The following SNRPA variants were observed in gnomAD, a reference collection of about 807,000 sequenced individuals.
The protein encoded by SNRPA is small nuclear ribonucleoprotein polypeptide A.
A neutral mutation model predicts 24.5 loss-of-function variants in SNRPA; 10 were observed. The ratio of observed to expected loss-of-function variants is 0.41; its 90% CI spans 0.25 to 0.69. The LOEUF (loss-of-function observed/expected upper bound fraction) is 0.69, where lower values mean the gene tolerates loss of function less well. Ranked by LOEUF, SNRPA falls within the 30% of genes least tolerant of loss-of-function variation. The pLI is 0.33. For synonymous variants in SNRPA, 165 were observed against 148.4 expected, an observed-to-expected ratio of 1.11 and a Z score of -0.81; for missense variants, 283 against 394.7, an observed-to-expected ratio of 0.72 and a Z score of 2.40.
At chr19:40,763,960 C>T (rs2082944088) in intron 5 of SNRPA, among the ~76,000 whole-genome samples, 1 of 152,092 alleles carries the variant, frequency 6.6e-6, no homozygotes, top group Admixed American at 6.6e-5. Context: ...TTTCCCAGCC[C>T]CTAAAATGGG....
intron 1 of SNRPA, among the ~76,000 whole-genome samples, chr19:40,756,339 T>A (rs981993434): frequency 5.9e-5 from 9 of 151,746 alleles, no homozygotes; most frequent in African/African-American, 2.2e-4. Context: ...CACACTCCTG[T>A]AATCCCAGCA....
rs2145018298 is a variant in SNRPA, at chr19:40,765,271, A to G, written c.*104A>G. The stretch of plus-strand genomic sequence containing the variant: ...AGTCCCCCCTTGGGGGCCTTCTTGG[A>G]GCCGTGTGTGAGTGAGTGGTCGCCA... On this transcript the variant is annotated 3_prime_UTR_variant, in exon 6 of 6. Transcript: ENST00000243563. The G allele has an allele frequency of 1.4e-6, 1 of 700,476 alleles. No individual in the cohort carries two copies. Among genetic ancestry groups the G allele is most frequent in the Non-Finnish European group, 2.2e-6 (1 of 460,124 alleles). The allele number at this position is 700,476 out of a possible 1,614,324, so 43.4% of individuals were successfully genotyped here. A position where few individuals can be genotyped will look rare whatever the true frequency, so the allele number is the denominator to read the frequency against.
chr19:40,764,201 A>T (rs890158675), intron 5 of SNRPA, among the ~76,000 whole-genome samples: 1 of 152,058 alleles, frequency 6.6e-6, no homozygotes, highest in African/African-American at 2.4e-5. Flanking sequence ...GTTCTGTTTC[A>T]GGGGCTGTGA....
At chr19:40,761,465 T>TC (rs1274282760) in intron 3 of SNRPA, among the ~76,000 whole-genome samples, 8 of 75,616 alleles carry the variant, frequency 1.1e-4, no homozygotes, top group African/African-American at 2.0e-4. Context: ...TTTCTTTTTT[T>TC]TTTTTTTTTT....
At chr19:40,762,593 C>T (rs1363123044) in intron 3 of SNRPA, among the ~76,000 whole-genome samples, 2 of 152,134 alleles carry the variant, frequency 1.3e-5, no homozygotes, top group Non-Finnish European at 2.9e-5. Context: ...GTTTAAGAGA[C>T]AGGGTCTTGC....
chr19:40,751,925 G>A (rs1181419555), intron 1 of SNRPA, among the ~76,000 whole-genome samples: 2 of 152,206 alleles, frequency 1.3e-5, no homozygotes, highest in East Asian at 3.8e-4. Flanking sequence ...TACCATAATG[G>A]TGGCTAACGC....
chr19:40,757,288 T>C (rs372095010), intron 1 of SNRPA, 44 bp from the exon 2 acceptor site: 6 of 1,603,122 alleles, frequency 3.7e-6, no homozygotes, highest in Admixed American at 3.4e-5. Flanking sequence ...GCTGCGCTTC[T>C]TCTAAAAAGG....
In SNRPA at chr19:40,759,575, A is replaced by G. The variant is rs2145012464; in HGVS notation, c.391A>G (p.Thr131Ala). ...TKKAVQGGGA[T>A]PVVGAVQGPV... The stretch of plus-strand genomic sequence containing the variant: ...GAAGGCTGTGCAAGGCGGGGGAGCC[A>G]CCCCCGTGGTGGGGGCTGTCCAGGG... Residue 131 changes from threonine (T) to alanine (A), a missense_variant, in exon 3 of 6, where the codon ACC (threonine) becomes GCC (alanine). Physicochemically the swap from Thr to Ala is moderately conservative, Grantham distance 58. Around this residue, in one of 6 missense-constraint regions of SNRPA, gnomAD observed 167 missense variants for 174.3 expected, o/e 0.96. Transcript: ENST00000243563. 1 of 1,612,588 alleles carries G rather than the reference A, an allele frequency of 6.2e-7. No homozygotes were observed. Among genetic ancestry groups the G allele is most frequent in the Non-Finnish European group, 8.5e-7 (1 of 1,179,528 alleles).
chr19:40,751,554 CCT>C (rs2082863572), intron 1 of SNRPA, 73 bp downstream of exon 1: 7 of 1,090,224 alleles, frequency 6.4e-6, no homozygotes, highest in Non-Finnish European at 9.9e-6. Context: ...CCTGCACCCG[CCT>C]CTCTTTCTAA....
At chr19:40,754,599 T>C (rs1317058076) in intron 1 of SNRPA, among the ~76,000 whole-genome samples, 1 of 152,082 alleles carries the variant, frequency 6.6e-6, no homozygotes, top group East Asian at 1.9e-4. Context: ...GAGAAGAGCA[T>C]TCTTAACTTG....
chr19:40,757,873 C>T (rs1037780593), intron 2 of SNRPA, among the ~76,000 whole-genome samples: 1 of 151,402 alleles, frequency 6.6e-6, no homozygotes, highest in African/African-American at 2.4e-5. Flanking sequence ...ACCCGGGAGG[C>T]AGAGATTGCA....
In SNRPA at chr19:40,751,246, G is replaced by A. The variant is rs1280224258; in HGVS notation, c.-163G>A. The A allele has an allele frequency of 1.2e-5, 8 of 670,050 alleles. No homozygotes were observed. The highest frequency in any genetic ancestry group is 2.2e-5 in the Non-Finnish European group (8 of 364,770). The allele number at this position is 670,050 out of a possible 1,614,324, so 41.5% of individuals were successfully genotyped here. ...GAGAAGCGGGTCCTACGCACGCTTTGTTGTCGCGCTTTGCCTCCGTCCTTG... is the reference window on the plus strand; with the variant it reads ...GAGAAGCGGGTCCTACGCACGCTTTATTGTCGCGCTTTGCCTCCGTCCTTG... On this transcript the variant is annotated 5_prime_UTR_variant, in exon 1 of 6. Coordinates refer to ENST00000243563, the MANE Select transcript of SNRPA (RefSeq NM_004596.5).
Position 40,763,035 on chromosome 19 carries a change from G to A in SNRPA, c.561G>A (p.Pro187=), listed in dbSNP as rs755108553. 3.5e-5 allele frequency: 56 copies of A among 1,603,162 alleles called. No individual in the cohort carries two copies. The East Asian group carries it at 3.8e-4, about 11-fold the overall frequency. Residue 187 remains proline, a synonymous_variant, in exon 4 of 6, where the codon CCG becomes CCA. Coordinates refer to ENST00000243563, the MANE Select transcript of SNRPA (RefSeq NM_004596.5). ...PGQIPPGAMP[P]QQLMPGQMPP... The stretch of plus-strand genomic sequence containing the variant: ...AGATCCCACCAGGGGCCATGCCCCC[G>A]CAGCAGCTTATGCCAGGACAGATGC...
At chr19:40,752,616 G>A (rs1192278798) in intron 1 of SNRPA, among the ~76,000 whole-genome samples, 4 of 151,502 alleles carry the variant, frequency 2.6e-5, no homozygotes, top group Non-Finnish European at 4.4e-5. Context: ...CTGGGCGTGG[G>A]TGGGGTGCGT....
At position 40,764,667 on chromosome 19, in the gene SNRPA, A is replaced by T. The variant is rs1052102600; in HGVS notation, c.690-341A>T. 3.7e-4 allele frequency among the ~76,000 whole-genome samples: 57 copies of T among 152,284 alleles called. 1 individual carries two copies. Among genetic ancestry groups the T allele is most frequent in the Admixed American group, 3.7e-3 (57 of 15,294 alleles). On this transcript the variant is annotated intron_variant, in intron 5 of 5. Transcript: ENST00000243563. Reference sequence around the variant, plus strand: ...CTTGGTGAAACCCCTTCTCTCCTAAAAATACAAGAATAAAAATGGAAAAAG... The same window carrying T: ...CTTGGTGAAACCCCTTCTCTCCTAATAATACAAGAATAAAAATGGAAAAAG...
chr19:40,763,900 T>A (rs923782365), intron 5 of SNRPA, among the ~76,000 whole-genome samples: 1 of 152,150 alleles, frequency 6.6e-6, no homozygotes, highest in Non-Finnish European at 1.5e-5. Flanking sequence ...GCTTGCCGGC[T>A]TTTTTCAGCC....
At chr19:40,752,740 A>T (rs941828893) in intron 1 of SNRPA, among the ~76,000 whole-genome samples, 7 of 129,222 alleles carry the variant, frequency 5.4e-5, no homozygotes, top group African/African-American at 1.9e-4. Flanking sequence ...CTGAGCAAGA[A>T]CCTATCTGAA....
chr19:40,752,658 G>A (rs1374982260), intron 1 of SNRPA, among the ~76,000 whole-genome samples: 2 of 151,688 alleles, frequency 1.3e-5, no homozygotes, highest in African/African-American at 2.4e-5. Context: ...AGGCTGAAGT[G>A]GGAGGATCGC....
intron 1 of SNRPA, among the ~76,000 whole-genome samples, chr19:40,755,999 C>T (rs2082906965): frequency 2.0e-5 from 3 of 152,020 alleles, no homozygotes; most frequent in Admixed American, 6.6e-5. Flanking sequence ...GATGGGGGTG[C>T]GATGACTCAT....
Sources: gnomAD v4.1 joint callset for allele counts (sites outside exome capture counted in the v4.1 genomes callset) on GRCh38, gnomAD v4.1.1 for gene constraint, gnomAD v4.1.1 regional missense constraint, MANE v1.5 for transcripts, NCBI Gene and HGNC (gene_info 2026-07-23, HGNC 2026-07-21) for gene names.